CDH8: variants seen among roughly 807,000 people sequenced by gnomAD.
CDH8 encodes the protein cadherin 8, also known as cadherin-8.
Under a neutral mutation model 68.1 loss-of-function variants are expected in CDH8, and 17 were observed. That is an observed-to-expected ratio of 0.25 (90% confidence interval 0.17 to 0.37). The LOEUF (loss-of-function observed/expected upper bound fraction) is 0.37, where lower values mean the gene tolerates loss of function less well. CDH8 is among the 10% of genes least tolerant of loss of function. The pLI is 1.00. For missense variants in CDH8, 763 were observed against 999.3 expected, an observed-to-expected ratio of 0.76 and a Z score of 3.19; for synonymous variants, 372 against 365.1, an observed-to-expected ratio of 1.02 and a Z score of -0.21.
chr16:61,956,864 G>C (rs1964997148), intron 2 of CDH8, among the ~76,000 whole-genome samples: 1 of 152,090 alleles, frequency 6.6e-6, no homozygotes, highest in Middle Eastern at 3.2e-3. Context: ...AACATTGCAT[G>C]ATTACCTGCA....
At chr16:61,950,906 G>A (rs1208417101) in intron 2 of CDH8, among the ~76,000 whole-genome samples, 1 of 152,102 alleles carries the variant, frequency 6.6e-6, no homozygotes, top group Non-Finnish European at 1.5e-5. Context: ...GGGAAGGGTA[G>A]GAGAAAGAAG....
At chr16:61,970,742 T>A (rs944805776) in intron 2 of CDH8, among the ~76,000 whole-genome samples, 5 of 152,126 alleles carry the variant, frequency 3.3e-5, no homozygotes, top group Admixed American at 6.5e-5. Flanking sequence ...GGAGATAGCA[T>A]CAGACCCCAC....
chr16:61,904,998 A>C (rs1468594679), intron 2 of CDH8, among the ~76,000 whole-genome samples: 1 of 152,254 alleles, frequency 6.6e-6, no homozygotes, highest in Non-Finnish European at 1.5e-5. Context: ...GCTCCTTATG[A>C]GAATCTAATG....
intron 2 of CDH8, among the ~76,000 whole-genome samples, chr16:61,944,179 A>G (rs981041932): frequency 2.0e-5 from 3 of 152,216 alleles, no homozygotes; most frequent in African/African-American, 4.8e-5. Flanking sequence ...TGAGACAATA[A>G]TAGGTATAAA....
chr16:61,974,760 C>T lies in CDH8; in HGVS notation c.252+46392G>A, dbSNP rs193090893. Among the ~76,000 whole-genome samples, 426 of 152,214 alleles carry T rather than the reference C, an allele frequency of 2.8e-3. 4 individuals carry two copies. The highest frequency in any genetic ancestry group is 9.4e-3 in the African/African-American group (392 of 41,544). On this transcript the variant is annotated intron_variant, in intron 2 of 11. Transcript: ENST00000577390. ...TTCTAGGAGCTATGACATCCAAGAT[C>T]GTAATACCCAGCAGATCTGAGATTG...
chr16:61,914,785 A>G (rs1964213449), intron 2 of CDH8, among the ~76,000 whole-genome samples: 2 of 151,806 alleles, frequency 1.3e-5, no homozygotes, highest in African/African-American at 4.8e-5. Context: ...CAAGAAATGT[A>G]TGGGGTCTTT....
chr16:61,801,310 G>A (rs1446589336), intron 7 of CDH8, among the ~76,000 whole-genome samples: 1 of 152,164 alleles, frequency 6.6e-6, no homozygotes, highest in Non-Finnish European at 1.5e-5. Flanking sequence ...TTGCCACTAT[G>A]AGGTTTGCAT....
At chr16:62,000,057 T>G (rs1406267713) in intron 2 of CDH8, among the ~76,000 whole-genome samples, 3 of 151,972 alleles carry the variant, frequency 2.0e-5, no homozygotes, top group African/African-American at 7.2e-5. Context: ...TGAAAACATG[T>G]GGTGTTTGGT....
At chr16:61,964,112 A>G (rs1057381684) in intron 2 of CDH8, among the ~76,000 whole-genome samples, 3 of 152,238 alleles carry the variant, frequency 2.0e-5, no homozygotes, top group African/African-American at 7.2e-5. Flanking sequence ...ATAGATATCA[A>G]CAAGACTTAA....
At chr16:61,721,870 G>A (rs12445841) in intron 9 of CDH8, among the ~76,000 whole-genome samples, 4,829 of 150,452 alleles carry the variant, frequency 0.032, 357 homozygotes, top group East Asian at 0.24. Context: ...AGTCTTTTTC[G>A]GTCTCAGCTT....
At chr16:61,752,435 A>G (rs1018161667) in intron 8 of CDH8, among the ~76,000 whole-genome samples, 4 of 152,202 alleles carry the variant, frequency 2.6e-5, no homozygotes, top group African/African-American at 7.2e-5. Context: ...CTGAATTGAG[A>G]TAATATAAGA....
chr16:61,947,723 TAG>T (rs1964822559), intron 2 of CDH8, among the ~76,000 whole-genome samples: 1 of 152,242 alleles, frequency 6.6e-6, no homozygotes, highest in Non-Finnish European at 1.5e-5. Context: ...TTCATTATTC[TAG>T]AGTATTACAA....
At chr16:61,882,630 C>G (rs917591063) in intron 3 of CDH8, among the ~76,000 whole-genome samples, 2 of 152,074 alleles carry the variant, frequency 1.3e-5, no homozygotes, top group African/African-American at 4.8e-5. Flanking sequence ...AACAGTAAAC[C>G]AAATACCGCA....
intron 3 of CDH8, among the ~76,000 whole-genome samples, chr16:61,860,672 A>G (rs1963133934): frequency 6.6e-6 from 1 of 152,212 alleles, no homozygotes; most frequent in Admixed American, 6.6e-5. Context: ...TCAGTATGAT[A>G]TTAAGTTAAT....
At chr16:61,911,167 G>T (rs1285011735) in intron 2 of CDH8, among the ~76,000 whole-genome samples, 1 of 152,008 alleles carries the variant, frequency 6.6e-6, no homozygotes, top group Non-Finnish European at 1.5e-5. Context: ...AGGATGGACG[G>T]ATGGATGGAT....
chr16:61,997,049 T>C (rs143076952), intron 2 of CDH8, among the ~76,000 whole-genome samples: 2 of 152,110 alleles, frequency 1.3e-5, no homozygotes, highest in African/African-American at 4.8e-5. Context: ...ATAATCCTTT[T>C]CTGAGGAGTG....
intron 3 of CDH8, among the ~76,000 whole-genome samples, chr16:61,893,004 C>T (rs548962727): frequency 2.0e-5 from 3 of 152,122 alleles, no homozygotes; most frequent in African/African-American, 2.4e-5. Flanking sequence ...GCTGCCATGA[C>T]AAATTACCAA....
chr16:62,020,495 C>T (rs934610301), intron 2 of CDH8, among the ~76,000 whole-genome samples: 10 of 80,044 alleles, frequency 1.2e-4, no homozygotes, highest in East Asian at 8.9e-4. Context: ...CACACGCGCG[C>T]GCGCACACAC....
At chr16:62,022,237 T>G (rs1327772010) in intron 1 of CDH8, among the ~76,000 whole-genome samples, 1 of 152,104 alleles carries the variant, frequency 6.6e-6, no homozygotes, top group African/African-American at 2.4e-5. Context: ...CAGTTCAGGG[T>G]GCAGAATGCA....
Sources: gnomAD v4.1 joint callset for allele counts (sites outside exome capture counted in the v4.1 genomes callset) on GRCh38, gnomAD v4.1.1 for gene constraint, MANE v1.5 for transcripts, NCBI Gene and HGNC (gene_info 2026-07-23, HGNC 2026-07-21) for gene names.